The following SOCS5 variants were observed in gnomAD, a reference collection of about 807,000 sequenced individuals.
SOCS5 encodes CIS-6.
Under a neutral mutation model 42.8 loss-of-function variants are expected in SOCS5, and 32 were observed. The ratio of observed to expected loss-of-function variants is 0.75; its 90% CI spans 0.56 to 1.01. The LOEUF (loss-of-function observed/expected upper bound fraction) is 1.01, where lower values mean the gene tolerates loss of function less well. Ranked by LOEUF, SOCS5 falls within the 50% of genes least tolerant of loss-of-function variation. The probability of loss-of-function intolerance (pLI) is 0.00; values close to 1 mark genes in which losing one functional copy is unlikely to be tolerated. For missense variants in SOCS5, 627 were observed against 653.0 expected (o/e 0.96, Z 0.43); for synonymous variants, 283 against 229.6 (o/e 1.23, Z -2.10).
intron 1 of SOCS5, among the ~76,000 whole-genome samples, chr2:46,702,344 G>A (rs1428362311): frequency 3.3e-5 from 5 of 152,072 alleles, no homozygotes; most frequent in African/African-American, 1.2e-4. Context: ...TCTGATTTTT[G>A]GTATTGCTCT....
chr2:46,733,307 C>T (rs1221211156), intron 1 of SOCS5, among the ~76,000 whole-genome samples: 1 of 152,086 alleles, frequency 6.6e-6, no homozygotes, highest in Non-Finnish European at 1.5e-5. Flanking sequence ...GTTAGCCATC[C>T]TGGTCTTGAA....
chr2:46,728,253 A>G (rs1289246456), intron 1 of SOCS5, among the ~76,000 whole-genome samples: 1 of 152,182 alleles, frequency 6.6e-6, no homozygotes, highest in Non-Finnish European at 1.5e-5. Context: ...TTTACTTTTC[A>G]GAATCTTTAA....
intron 1 of SOCS5, among the ~76,000 whole-genome samples, chr2:46,746,881 G>A (rs1673511221): frequency 6.7e-6 from 1 of 148,590 alleles, no homozygotes. Context: ...ATCAGAAAAT[G>A]GAGTTTTATT....
At chr2:46,738,238 C>T (rs1248037765) in intron 1 of SOCS5, among the ~76,000 whole-genome samples, 3 of 151,944 alleles carry the variant, frequency 2.0e-5, no homozygotes, top group Non-Finnish European at 4.4e-5. Context: ...CAGAATCTGG[C>T]AGTATAATGA....
In SOCS5 at chr2:46,758,871, A is replaced by G; in HGVS notation, c.341A>G (p.Tyr114Cys). 6.2e-7 allele frequency: 1 copy of G among 1,614,000 alleles called. No homozygotes were observed. Among genetic ancestry groups the G allele is most frequent in the Non-Finnish European group, 8.5e-7 (1 of 1,179,886 alleles). The change falls in exon 2 of 2, where the codon TAC becomes TGC. Residue 114 changes from tyrosine (Y) to cysteine (C), a missense_variant. By Grantham distance (194) the Tyr-to-Cys change is radical. This residue lies in a region of SOCS5 where 278 missense variants were observed against 246.3 expected (regional missense o/e 1.13). Coordinates refer to ENST00000394861, the MANE Select transcript of SOCS5 (RefSeq NM_144949.3). Reference sequence around the variant, plus strand: ...ACAAGACTTGCACGAAGAGATTCCTACTCTCGACATGCTCCATGGGGTGGG... The same window carrying G: ...ACAAGACTTGCACGAAGAGATTCCTGCTCTCGACATGCTCCATGGGGTGGG... The part of the protein sequence containing the change: ...PGTRLARRDS[Y>C]SRHAPWGGKK...
At chr2:46,727,274 G>C (rs1275575544) in intron 1 of SOCS5, among the ~76,000 whole-genome samples, 1 of 150,452 alleles carries the variant, frequency 6.6e-6, no homozygotes, top group Non-Finnish European at 1.5e-5. Context: ...TCAGCCTCCC[G>C]AGTAGCGGAG....
intron 1 of SOCS5, among the ~76,000 whole-genome samples, chr2:46,756,251 G>A (rs1007785144): frequency 6.6e-6 from 1 of 152,192 alleles, no homozygotes. Flanking sequence ...ACGGAGAAGA[G>A]AGTTAAATTC....
chr2:46,732,889 A>G (rs1673156103), intron 1 of SOCS5, among the ~76,000 whole-genome samples: 1 of 152,168 alleles, frequency 6.6e-6, no homozygotes, highest in African/African-American at 2.4e-5. Flanking sequence ...AGTCTTTTAT[A>G]TGGTGATGAG....
At chr2:46,737,690 A>G (rs1039452343) in intron 1 of SOCS5, among the ~76,000 whole-genome samples, 1 of 152,178 alleles carries the variant, frequency 6.6e-6, no homozygotes, top group Admixed American at 6.5e-5. Context: ...TTTAAACAGA[A>G]TTTCACAGAC....
intron 1 of SOCS5, among the ~76,000 whole-genome samples, chr2:46,711,837 G>C (rs1322333163): frequency 6.6e-6 from 1 of 152,186 alleles, no homozygotes; most frequent in Non-Finnish European, 1.5e-5. Context: ...TTCCAACACA[G>C]TATACTTCCC....
In SOCS5 at chr2:46,762,520, G is replaced by A. The variant is rs1434708240; in HGVS notation, c.*2379G>A. The A allele has an allele frequency of 6.0e-6, 1 of 166,222 alleles. No homozygotes were observed. Among genetic ancestry groups the A allele is most frequent in the African/African-American group, 2.4e-5 (1 of 41,430 alleles). 10.3% of individuals were successfully genotyped at this position (166,222 alleles called of 1,614,324 possible). ...TGGAAATTGTTTTAAATGTGTTTGA[G>A]TTTATGTAAGCATGTATACACTGTG... On this transcript the variant is annotated 3_prime_UTR_variant, in exon 2 of 2. Coordinates refer to ENST00000394861, the MANE Select transcript of SOCS5 (RefSeq NM_144949.3).
chr2:46,722,774 T>A (rs1333250752), intron 1 of SOCS5, among the ~76,000 whole-genome samples: 1 of 152,160 alleles, frequency 6.6e-6, no homozygotes, highest in Non-Finnish European at 1.5e-5. Context: ...CAAGAATAGC[T>A]GAAAACAGCC....
intron 1 of SOCS5, among the ~76,000 whole-genome samples, chr2:46,712,506 G>C (rs1163583048): frequency 1.3e-5 from 2 of 152,086 alleles, no homozygotes; most frequent in Non-Finnish European, 2.9e-5. Context: ...ACCACGCCCA[G>C]ATAATTTTTG....
At chr2:46,715,237 G>A (rs111754626) in intron 1 of SOCS5, among the ~76,000 whole-genome samples, 1 of 151,942 alleles carries the variant, frequency 6.6e-6, no homozygotes, top group Non-Finnish European at 1.5e-5. Flanking sequence ...CAGACATGGT[G>A]GCTCGTGCCT....
At chr2:46,728,357 A>C (rs1673041824) in intron 1 of SOCS5, among the ~76,000 whole-genome samples, 1 of 152,166 alleles carries the variant, frequency 6.6e-6, no homozygotes, top group Non-Finnish European at 1.5e-5. Flanking sequence ...GCATTGAAGC[A>C]ATGTGTACTG....
chr2:46,758,414 G>A, intron 1 of SOCS5, 105 bp from the exon 2 acceptor site: 1 of 741,246 alleles, frequency 1.3e-6, no homozygotes, highest in East Asian at 2.7e-5. Context: ...CGCTTGGCCA[G>A]TATCACTGAA....
At chr2:46,749,196 G>T (rs547101523) in intron 1 of SOCS5, among the ~76,000 whole-genome samples, 220 of 152,262 alleles carry the variant, frequency 1.4e-3, no homozygotes, top group Non-Finnish European at 1.7e-3. Context: ...CTGGAGATGG[G>T]ATATCAATGC....
chr2:46,702,799 G>A (rs1044660809), intron 1 of SOCS5, among the ~76,000 whole-genome samples: 1 of 152,098 alleles, frequency 6.6e-6, no homozygotes, highest in African/African-American at 2.4e-5. Flanking sequence ...TGTTTTTGAC[G>A]GTGACAGTTT....
chr2:46,699,473 C>G lies in SOCS5; in HGVS notation c.-13+24C>G, dbSNP rs1276202459. On this transcript the variant is annotated intron_variant, in intron 1 of 1. Transcript: ENST00000394861. The surrounding 1 kb of genome is among the most constrained non-coding windows in gnomAD (Gnocchi z 4.8). ...CGGTGAGTGTCCCCGCGGTCGCGCC[C>G]GGCCCGCCGCCTGCTCCCCGGCCCC... 1 of 151,732 alleles carries G rather than the reference C, an allele frequency of 6.6e-6. No homozygotes were observed. Among genetic ancestry groups the G allele is most frequent in the Non-Finnish European group, 1.5e-5 (1 of 67,706 alleles). 9.4% of individuals were successfully genotyped at this position (151,732 alleles called of 1,614,324 possible).
Sources: allele counts gnomAD v4.1 joint callset (sites outside exome capture counted in the v4.1 genomes callset), GRCh38; gene constraint gnomAD v4.1.1; regional missense constraint gnomAD v4.1.1; non-coding constraint Gnocchi (gnomAD v3.1); transcripts MANE v1.5; gene names NCBI Gene and HGNC (gene_info 2026-07-23, HGNC 2026-07-21).